Variants in GSE1 observed in about 807,000 individuals in gnomAD.
GSE1 encodes genetic suppressor element 1.
In GSE1, 32 loss-of-function variants were observed where a neutral mutation model predicts 112.6. That is an observed-to-expected ratio of 0.28 (90% CI 0.21 to 0.38). GSE1 has a LOEUF of 0.38. Ranked by LOEUF, GSE1 falls within the 10% of genes least tolerant of loss-of-function variation. The pLI, the probability that GSE1 is intolerant of heterozygous loss-of-function variation, is 1.00. For synonymous variants in GSE1, 1,115 were observed against 735.6 expected (o/e 1.52, Z -8.35); for missense variants, 2,348 against 1,699.2 (o/e 1.38, Z -6.71).
chr16:85,417,075 C>T (rs1409064724), intron 2 of GSE1, among the ~76,000 whole-genome samples: 1 of 152,172 alleles, frequency 6.6e-6, no homozygotes, highest in African/African-American at 2.4e-5. Context: ...AGGCTGGTCT[C>T]AAACTTATGG....
At chr16:85,288,720 C>T (rs1018960188) in intron 1 of GSE1, among the ~76,000 whole-genome samples, 6 of 152,138 alleles carry the variant, frequency 3.9e-5, no homozygotes, top group African/African-American at 1.2e-4. Context: ...GGCAGGCTTC[C>T]TGGGAGAGGC....
chr16:85,417,366 G>T (rs536459121), intron 2 of GSE1, among the ~76,000 whole-genome samples: 2 of 151,936 alleles, frequency 1.3e-5, no homozygotes, highest in African/African-American at 4.8e-5. Context: ...CACCTGCACA[G>T]CCTGTCAGGC....
chr16:85,657,381 G>C lies in GSE1; in HGVS notation c.1417G>C (p.Gly473Arg). 1 of 1,612,482 alleles carries C rather than the reference G, an allele frequency of 6.2e-7. No homozygotes were observed. Among genetic ancestry groups the C allele is most frequent in the Non-Finnish European group, 8.5e-7 (1 of 1,179,824 alleles). Residue 473 changes from glycine to arginine, a missense_variant, in exon 8 of 16, where the codon GGC (glycine) becomes CGC (arginine). Gly to Arg is a moderately radical substitution (Grantham distance 125). Coordinates refer to ENST00000253458, the MANE Select transcript of GSE1 (RefSeq NM_014615.5). ...HTVPSLISNH[G>R]IFSLPSSSAA... is the part of the protein sequence containing the mutation. ...GGTGCCCAGCCTCATCTCCAACCAT[G>C]GCATCTTCTCTCTGCCTAGCAGCAG...
chr16:85,567,026 TTACTCCCGCCCCCACCCCCA>T (rs1190221789), intron 1 of GSE1, among the ~76,000 whole-genome samples: 1 of 151,152 alleles, frequency 6.6e-6, no homozygotes, highest in Non-Finnish European at 1.5e-5. Context: ...GGACAAGGTG[TTACTCCCGCCCCCACCCCCA>T]CCCCCACCCC....
In GSE1 at chr16:85,668,129, C is replaced by A. The variant is rs746122913; in HGVS notation, c.3131-11C>A. The stretch of plus-strand genomic sequence containing the variant: ...CCCAACACACTGATGCAAGCCCTGT[C>A]CCCTCCACAGGGAGCGTGGCTGTGC... On this transcript the variant is annotated splice_polypyrimidine_tract_variant and intron_variant, in intron 13 of 15. Transcript: ENST00000253458. 5 of 1,553,810 alleles carry A rather than the reference C, an allele frequency of 3.2e-6. No individual in the cohort carries two copies. In the Admixed American group the frequency reaches 5.5e-5, roughly 17 times the overall value.
chr16:85,404,032 C>T lies in GSE1; in HGVS notation c.2464+46389C>T, dbSNP rs753736003. On this transcript the variant is annotated intron_variant, in intron 2 of 2. Transcript: ENST00000637419. Reference sequence around the variant, plus strand: ...CTGTGCCGTCCTTACGGGGCCTTTCCTCTGTGTGCGTCAGAACTCCCTCTG... The same window carrying T: ...CTGTGCCGTCCTTACGGGGCCTTTCTTCTGTGTGCGTCAGAACTCCCTCTG... 2.0e-5 allele frequency among the ~76,000 whole-genome samples: 3 copies of T among 152,028 alleles called. No individual in the cohort carries two copies. The East Asian group carries it at 5.8e-4, about 29-fold the overall frequency.
chr16:85,672,724 A>T lies in GSE1; in HGVS notation c.*185A>T, dbSNP rs571812008. ...CTCACCTTGACGTCAATGCAATTGAATCACCGTTGTCATTCAGCGAGCAAC... is the reference window on the plus strand; with the variant it reads ...CTCACCTTGACGTCAATGCAATTGATTCACCGTTGTCATTCAGCGAGCAAC... On this transcript the variant is annotated 3_prime_UTR_variant, in exon 16 of 16. Transcript: ENST00000253458. 3 of 425,614 alleles carry T rather than the reference A, an allele frequency of 7.0e-6. No homozygotes were observed. Among genetic ancestry groups the T allele is most frequent in the Admixed American group, 7.8e-5 (2 of 25,710 alleles). 26.4% of individuals were successfully genotyped at this position (425,614 alleles called of 1,614,324 possible).
In GSE1 at chr16:85,653,716, G is replaced by T. The variant is rs142077244; in HGVS notation, c.427-562G>T. On this transcript the variant is annotated intron_variant, in intron 3 of 15. Coordinates refer to ENST00000253458, the MANE Select transcript of GSE1 (RefSeq NM_014615.5). ...GCCAGGGCCACCCCAGGAGGTGGTT[G>T]GGGGCAGACCAGCACCTTCGGCCCA... is the stretch of plus-strand genomic sequence containing the variant. 3.8e-3 allele frequency among the ~76,000 whole-genome samples: 585 copies of T among 152,186 alleles called. 2 individuals carry two copies. The highest frequency in any genetic ancestry group is 6.1e-3 in the Non-Finnish European group (418 of 67,970).
chr16:85,304,240 G>A (rs1172219401), intron 1 of GSE1, among the ~76,000 whole-genome samples: 4 of 152,246 alleles, frequency 2.6e-5, no homozygotes, highest in Middle Eastern at 3.2e-3. Context: ...GGAAAAGGAA[G>A]GGATCGATCA....
chr16:85,492,331 G>A (rs1371650606), intron 2 of GSE1, among the ~76,000 whole-genome samples: 1 of 152,136 alleles, frequency 6.6e-6, no homozygotes. Context: ...TTCTGTCCCC[G>A]CCAGCAGGCC....
In GSE1 at chr16:85,210,588, T is replaced by TA. The variant is rs1281365754; in HGVS notation, c.2283+38791dup. The stretch of plus-strand genomic sequence containing the variant: ...TGGGCAACAGAGTGAGACCTTGTCT[T>TA]AAAAAAAAAACACCCCAGTGATGTC... On this transcript the variant is annotated intron_variant, in intron 1 of 2. Coordinates refer to the GSE1 transcript ENST00000637419. Among the ~76,000 whole-genome samples the TA allele has an allele frequency of 4.1e-4, 60 of 147,978 alleles. 3 individuals are homozygous for TA. The highest frequency in any genetic ancestry group is 5.9e-4 in the East Asian group (3 of 5,094).
At chr16:85,360,770 G>A (rs1295127974) in intron 2 of GSE1, among the ~76,000 whole-genome samples, 3 of 151,910 alleles carry the variant, frequency 2.0e-5, no homozygotes, top group Admixed American at 1.3e-4. Flanking sequence ...ACGGGTGCAC[G>A]CGTAAGTCAG....
chr16:85,415,629 A>T (rs556061679), intron 2 of GSE1, among the ~76,000 whole-genome samples: 2 of 152,234 alleles, frequency 1.3e-5, no homozygotes, highest in African/African-American at 4.8e-5. Flanking sequence ...CGTGATCGGG[A>T]TCTGCTCTGT....
rs752375326 is a variant in GSE1, at chr16:85,261,499, C to T, written c.2283+89692C>T. On this transcript the variant is annotated intron_variant, in intron 1 of 2. Coordinates refer to the GSE1 transcript ENST00000637419. ...GGCGCAGAGTGGGTAGGCACATCTC[C>T]GAGGCAGTCCAGCTGGTTCTGACTG... 9.7e-4 allele frequency among the ~76,000 whole-genome samples: 147 copies of T among 152,326 alleles called. 2 individuals are homozygous for T. Among genetic ancestry groups the T allele is most frequent in the Middle Eastern group, 6.8e-3 (2 of 294 alleles).
chr16:85,402,321 G>A (rs768369853), intron 2 of GSE1, among the ~76,000 whole-genome samples: 66 of 152,358 alleles, frequency 4.3e-4, no homozygotes, highest in Non-Finnish European at 6.2e-4. Context: ...GGAGTCGCCA[G>A]TGGGATGTCT....
intron 2 of GSE1, among the ~76,000 whole-genome samples, chr16:85,487,438 C>T (rs1230126216): frequency 6.6e-6 from 1 of 152,160 alleles, no homozygotes; most frequent in Non-Finnish European, 1.5e-5. Flanking sequence ...GGTCTACGTT[C>T]GCACCTGGGC....
intron 1 of GSE1, among the ~76,000 whole-genome samples, chr16:85,342,414 C>A (rs1426557342): frequency 6.6e-6 from 1 of 152,168 alleles, no homozygotes; most frequent in African/African-American, 2.4e-5. Context: ...CCTGTCAGCG[C>A]TTGAGAAACT....
chr16:85,402,356 G>A (rs1324145208), intron 2 of GSE1, among the ~76,000 whole-genome samples: 1 of 152,234 alleles, frequency 6.6e-6, no homozygotes, highest in East Asian at 1.9e-4. Context: ...CCAGGAAGGG[G>A]GACTCGAGAG....
At chr16:85,643,035 G>C (rs1030983214) in intron 2 of GSE1, among the ~76,000 whole-genome samples, 3 of 152,182 alleles carry the variant, frequency 2.0e-5, no homozygotes, top group African/African-American at 7.2e-5. Context: ...GGGTGGGCCT[G>C]AGCCTGGGTG....
Sources: allele counts gnomAD v4.1 joint callset (sites outside exome capture counted in the v4.1 genomes callset), GRCh38; gene constraint gnomAD v4.1.1; transcripts MANE v1.5; gene names NCBI Gene and HGNC (gene_info 2026-07-23, HGNC 2026-07-21).